Variants in FBXL17 observed in about 807,000 individuals in gnomAD.
The protein encoded by FBXL17 is F-box and leucine rich repeat protein 17.
A neutral mutation model predicts 66.2 loss-of-function variants in FBXL17; 22 were observed. The ratio of observed to expected loss-of-function variants is 0.33; its 90% confidence interval spans 0.24 to 0.47. The LOEUF (loss-of-function observed/expected upper bound fraction) is 0.47, where lower values mean the gene tolerates loss of function less well. FBXL17 is among the 20% of genes least tolerant of loss of function. FBXL17 has a pLI of 1.00. For synonymous variants in FBXL17, 474 were observed against 400.5 expected, an observed-to-expected ratio of 1.18 and a Z score of -2.19; for missense variants, 878 against 948.2, an observed-to-expected ratio of 0.93 and a Z score of 0.97.
chr5:108,225,623 C>A (rs1755068547), intron 4 of FBXL17, among the ~76,000 whole-genome samples: 1 of 152,142 alleles, frequency 6.6e-6, no homozygotes, highest in South Asian at 2.1e-4. Context: ...AGAAACATGG[C>A]CCTGCCAACA....
At chr5:107,959,734 C>T (rs1401664256) in intron 7 of FBXL17, among the ~76,000 whole-genome samples, 4 of 152,140 alleles carry the variant, frequency 2.6e-5, no homozygotes, top group Non-Finnish European at 5.9e-5. Context: ...TCTTTTCCAA[C>T]CTGGCCTTGA....
At chr5:108,218,189 T>A (rs2150069168) in intron 5 of FBXL17, among the ~76,000 whole-genome samples, 1 of 151,928 alleles carries the variant, frequency 6.6e-6, no homozygotes, top group South Asian at 2.1e-4. Flanking sequence ...TATATTTTTT[T>A]AGTAGAGATG....
At chr5:108,336,029 G>GA (rs1026437270) in intron 4 of FBXL17, among the ~76,000 whole-genome samples, 20 of 152,006 alleles carry the variant, frequency 1.3e-4, no homozygotes, top group African/African-American at 4.6e-4. Flanking sequence ...CCAAGAAAAT[G>GA]AAAAAACAAA....
chr5:108,157,596 A>C (rs1053129880), intron 6 of FBXL17, among the ~76,000 whole-genome samples: 15 of 152,030 alleles, frequency 9.9e-5, no homozygotes, highest in Non-Finnish European at 2.9e-5. Context: ...AAAAAAAAAA[A>C]ACTAAAACTA....
chr5:108,265,397 T>C (rs1015512426), intron 4 of FBXL17, among the ~76,000 whole-genome samples: 6 of 152,102 alleles, frequency 3.9e-5, no homozygotes, highest in Non-Finnish European at 5.9e-5. Context: ...AAAGCCACCA[T>C]TGCAAATACT....
In FBXL17 at chr5:107,860,295, ATAAAT is replaced by A. The variant is rs1196501972; in HGVS notation, c.*1420_*1424del. 2.0e-5 allele frequency: 3 copies of A among 152,634 alleles called. No individual in the cohort carries two copies. The highest frequency in any genetic ancestry group is 4.4e-5 in the Non-Finnish European group (3 of 68,022). The allele number at this position is 152,634 out of a possible 1,614,324, so 9.5% of individuals were successfully genotyped here. A position where few individuals can be genotyped will look rare whatever the true frequency, so the allele number is the denominator to read the frequency against. On this transcript the variant is annotated 3_prime_UTR_variant, in exon 9 of 9. Coordinates refer to ENST00000542267, the MANE Select transcript of FBXL17 (RefSeq NM_001163315.3). Reference sequence around the variant, plus strand: ...AACAGTTATATTCACTCAGGGAAAAATAAATAGCAACTTCACAAGTTAGGGTTTTG... The same window carrying A: ...AACAGTTATATTCACTCAGGGAAAAAAGCAACTTCACAAGTTAGGGTTTTG...
chr5:108,342,384 T>C (rs1746943914), intron 4 of FBXL17, among the ~76,000 whole-genome samples: 1 of 152,184 alleles, frequency 6.6e-6, no homozygotes, highest in Non-Finnish European at 1.5e-5. Context: ...GGAATTTTCC[T>C]AGAAAAATTT....
chr5:108,087,469 C>T lies in FBXL17; in HGVS notation c.1746-66468G>A, dbSNP rs938140559. Among the ~76,000 whole-genome samples, 75 of 152,156 alleles carry T rather than the reference C, an allele frequency of 4.9e-4. 2 individuals are homozygous for T. Among genetic ancestry groups the T allele is most frequent in the African/African-American group, 1.8e-3 (74 of 41,526 alleles). ...AGGACACTCCAACAGGGAATATATG[C>T]TTGAGGGCTCCTGTTGGGTTGGCCA... On this transcript the variant is annotated intron_variant, in intron 6 of 8. Transcript: ENST00000542267.
rs192485117 is a variant in FBXL17 at position 108,108,173 on chromosome 5, G to A, written c.1745+77944C>T. Among the ~76,000 whole-genome samples the A allele has an allele frequency of 5.6e-3, 849 of 152,230 alleles. 10 individuals are homozygous for A. The highest frequency in any genetic ancestry group is 0.019 in the African/African-American group (791 of 41,550). ...TCCTCCATGAGCTGTATTTCAAACT[G>A]CAAACATATACCCCACCTTCTACAT... On this transcript the variant is annotated intron_variant, in intron 6 of 8. Transcript: ENST00000542267.
At chr5:108,109,896 T>C (rs146486289) in intron 6 of FBXL17, among the ~76,000 whole-genome samples, 104 of 152,244 alleles carry the variant, frequency 6.8e-4, no homozygotes, top group African/African-American at 2.5e-3. Context: ...CCACAGAAGG[T>C]GGGGTCATGG....
At chr5:107,918,820 T>C (rs1750218231) in intron 7 of FBXL17, among the ~76,000 whole-genome samples, 1 of 152,220 alleles carries the variant, frequency 6.6e-6, no homozygotes. Flanking sequence ...TGCTTAGCCT[T>C]GCTGCTTTGC....
chr5:107,979,421 A>G (rs1752717734), intron 7 of FBXL17, among the ~76,000 whole-genome samples: 1 of 152,252 alleles, frequency 6.6e-6, no homozygotes, highest in South Asian at 2.1e-4. Flanking sequence ...GTAACCACAC[A>G]AAGTAAACAT....
At chr5:108,308,921 C>T (rs1186343077) in intron 4 of FBXL17, among the ~76,000 whole-genome samples, 1 of 151,964 alleles carries the variant, frequency 6.6e-6, no homozygotes, top group East Asian at 1.9e-4. Flanking sequence ...AGGTAATCTG[C>T]CAATAGGTAG....
intron 7 of FBXL17, among the ~76,000 whole-genome samples, chr5:107,911,972 C>T (rs1366566071): frequency 1.3e-5 from 2 of 152,030 alleles, no homozygotes; most frequent in Non-Finnish European, 2.9e-5. Context: ...ACTGAAAGGA[C>T]CTTTATCATT....
intron 6 of FBXL17, among the ~76,000 whole-genome samples, chr5:108,056,923 T>G (rs1747731611): frequency 6.6e-6 from 1 of 152,210 alleles, no homozygotes; most frequent in Admixed American, 6.5e-5. Flanking sequence ...AAGTGAACTA[T>G]GAATAGACAG....
chr5:108,063,966 T>G (rs1357178116), intron 6 of FBXL17, among the ~76,000 whole-genome samples: 2 of 152,148 alleles, frequency 1.3e-5, no homozygotes, highest in Admixed American at 1.3e-4. Flanking sequence ...CACATTAACA[T>G]GACACTAAAG....
At chr5:108,170,171 G>A (rs1752554274) in intron 6 of FBXL17, among the ~76,000 whole-genome samples, 1 of 151,728 alleles carries the variant, frequency 6.6e-6, no homozygotes. Context: ...ACCAAAAATA[G>A]GAATTCAGTT....
chr5:108,380,910 G>A lies in FBXL17; in HGVS notation c.782C>T (p.Pro261Leu). 1 of 1,229,284 alleles carries A rather than the reference G, an allele frequency of 8.1e-7. No homozygotes were observed. Among genetic ancestry groups the A allele is most frequent in the Non-Finnish European group, 1.0e-6 (1 of 982,086 alleles). The allele number at this position is 1,229,284 out of a possible 1,614,324, so 76.1% of individuals were successfully genotyped here. A position where few individuals can be genotyped will look rare whatever the true frequency, so the allele number is the denominator to read the frequency against. The change falls in exon 1 of 9, where the codon CCG becomes CTG. Residue 261 changes from proline to leucine, a missense_variant. By Grantham distance (98) the Pro-to-Leu change is moderately conservative. Transcript: ENST00000542267. Reference protein sequence around the residue: ...PEQPPQPLCPPPSSPTSEGAP... With the variant: ...PEQPPQPLCPLPSSPTSEGAP... Reference sequence around the variant, plus strand: ...ACCTTCGGAGGTGGGAGAAGAGGGCGGAGGGCAGAGCGGCTGCGGGGGCTG... The same window carrying A: ...ACCTTCGGAGGTGGGAGAAGAGGGCAGAGGGCAGAGCGGCTGCGGGGGCTG...
At chr5:108,330,590 C>T (rs890285428) in intron 4 of FBXL17, among the ~76,000 whole-genome samples, 2 of 151,996 alleles carry the variant, frequency 1.3e-5, no homozygotes, top group South Asian at 2.1e-4. Flanking sequence ...TAGAACACTT[C>T]GTAAAGCAAA....
Sources: gnomAD v4.1 joint callset for allele counts (sites outside exome capture counted in the v4.1 genomes callset) on GRCh38, gnomAD v4.1.1 for gene constraint, MANE v1.5 for transcripts, NCBI Gene and HGNC (gene_info 2026-07-23, HGNC 2026-07-21) for gene names.